The following APPBP2 variants were observed in gnomAD, a reference collection of about 807,000 sequenced individuals.
The protein encoded by APPBP2 is amyloid beta precursor protein binding protein 2.
A neutral mutation model predicts 76.0 loss-of-function variants in APPBP2; 15 were observed. That is an observed-to-expected ratio of 0.20 (90% CI 0.13 to 0.30). The LOEUF is 0.30. APPBP2 is among the 10% of genes least tolerant of loss of function. APPBP2 has a pLI of 1.00. For synonymous variants in APPBP2, 222 were observed against 242.2 expected (o/e 0.92, Z 0.77); for missense variants, 401 against 687.2 (o/e 0.58, Z 4.66).
At chr17:60,462,935 C>G (rs2090486452) in intron 6 of APPBP2, among the ~76,000 whole-genome samples, 1 of 121,232 alleles carries the variant, frequency 8.2e-6, no homozygotes, top group Admixed American at 9.4e-5. Context: ...TGGGCGACAG[C>G]AAGACTCCAT....
intron 1 of APPBP2, among the ~76,000 whole-genome samples, chr17:60,519,420 A>C (rs995127856): frequency 1.1e-4 from 16 of 152,268 alleles, no homozygotes; most frequent in African/African-American, 3.6e-4. Context: ...AGCTTGGGCA[A>C]CAAAGTGAGA....
intron 3 of APPBP2, among the ~76,000 whole-genome samples, chr17:60,485,783 T>C (rs2090671206): frequency 1.3e-5 from 2 of 152,196 alleles, no homozygotes; most frequent in Admixed American, 6.5e-5. Flanking sequence ...CTCTTTTAAT[T>C]GTGATGGTAG....
At chr17:60,456,452 A>T (rs1029948581) in intron 9 of APPBP2, 71 bp from the exon 10 acceptor site, 70 of 953,936 alleles carry the variant, frequency 7.3e-5, no homozygotes, top group Middle Eastern at 6.5e-4. Flanking sequence ...TAAAAATCAC[A>T]ATCTGTAATA....
chr17:60,518,358 CGTGTGTGTGTGTGTGTGTGTGTGTGTGT>C (rs59428194), intron 1 of APPBP2, among the ~76,000 whole-genome samples: 7 of 89,070 alleles, frequency 7.9e-5, no homozygotes, highest in Non-Finnish European at 1.3e-4. Flanking sequence ...TGTGTGCGTG[CGTGTGTGTGTGTGTGTGTGTGTGTGTGT>C]GTGTGTGTGT....
At chr17:60,517,874 T>C (rs2090975492) in intron 1 of APPBP2, among the ~76,000 whole-genome samples, 1 of 152,242 alleles carries the variant, frequency 6.6e-6, no homozygotes, top group Non-Finnish European at 1.5e-5. Flanking sequence ...TGTATTTCAG[T>C]TGAGTATCTT....
intron 11 of APPBP2, among the ~76,000 whole-genome samples, chr17:60,452,835 A>G (rs2090405292): frequency 6.6e-6 from 1 of 152,184 alleles, no homozygotes; most frequent in Admixed American, 6.5e-5. Context: ...TGGGAAGCTG[A>G]GGTGAAAAGA....
chr17:60,459,319 G>A (rs1342295403), intron 9 of APPBP2, among the ~76,000 whole-genome samples: 2 of 151,998 alleles, frequency 1.3e-5, no homozygotes, highest in African/African-American at 4.8e-5. Context: ...TTTTCTGTTT[G>A]CAGATCCTGA....
At chr17:60,471,365 T>G (rs535326608) in intron 4 of APPBP2, among the ~76,000 whole-genome samples, 1 of 152,212 alleles carries the variant, frequency 6.6e-6, no homozygotes, top group Non-Finnish European at 1.5e-5. Context: ...ATACCACTAG[T>G]GAAAGCAGGC....
intron 12 of APPBP2, among the ~76,000 whole-genome samples, chr17:60,448,951 TAAAC>T (rs931938237): frequency 5.3e-5 from 8 of 152,184 alleles, no homozygotes; most frequent in South Asian, 4.1e-4. Context: ...ATTAACAAAA[TAAAC>T]AAAGATGGAT....
rs529041695 is a variant in APPBP2, at chr17:60,523,722, G to A, written c.138+2072C>T. 1.3e-4 allele frequency among the ~76,000 whole-genome samples: 20 copies of A among 152,142 alleles called. No individual in the cohort carries two copies. The South Asian group carries it at 1.5e-3, about 11-fold the overall frequency. On this transcript the variant is annotated intron_variant, in intron 1 of 12. Coordinates refer to ENST00000083182, the MANE Select transcript of APPBP2 (RefSeq NM_006380.5). ...CTTCTTACATCTCCATTAAAGATTAGAATAGAGTCCTGGGACTGACTTTCA... is the reference window on the plus strand; with the variant it reads ...CTTCTTACATCTCCATTAAAGATTAAAATAGAGTCCTGGGACTGACTTTCA...
At chr17:60,506,454 T>C (rs910034984) in intron 1 of APPBP2, among the ~76,000 whole-genome samples, 11 of 152,328 alleles carry the variant, frequency 7.2e-5, no homozygotes, top group Non-Finnish European at 1.5e-4. Context: ...CTGGTTAGTT[T>C]ATAACTCATC....
chr17:60,453,546 TTG>T (rs1435779528), intron 11 of APPBP2, among the ~76,000 whole-genome samples: 35 of 150,936 alleles, frequency 2.3e-4, no homozygotes, highest in African/African-American at 8.6e-4. Flanking sequence ...GTTTTTTTTT[TTG>T]TTTTTTTTGA....
chr17:60,490,661 T>C (rs2090720920), intron 3 of APPBP2, among the ~76,000 whole-genome samples: 1 of 152,148 alleles, frequency 6.6e-6, no homozygotes, highest in Admixed American at 6.5e-5. Context: ...ACAAATCTCA[T>C]CTTGAATTGT....
intron 4 of APPBP2, among the ~76,000 whole-genome samples, chr17:60,472,686 C>T (rs1330116659): frequency 1.3e-5 from 2 of 152,288 alleles, no homozygotes; most frequent in Admixed American, 6.5e-5. Context: ...CACTGGAGAG[C>T]TAGCCAAAGA....
intron 1 of APPBP2, among the ~76,000 whole-genome samples, chr17:60,504,466 G>T (rs1210903231): frequency 6.6e-6 from 1 of 152,044 alleles, no homozygotes; most frequent in Non-Finnish European, 1.5e-5. Flanking sequence ...ATAAAAATGG[G>T]TAAACAAAGA....
At chr17:60,500,548 C>T (rs1029639986) in intron 1 of APPBP2, 61 bp from the exon 2 acceptor site, 59 of 1,154,616 alleles carry the variant, frequency 5.1e-5, no homozygotes, top group Non-Finnish European at 6.9e-5. Flanking sequence ...TTACTTTAAT[C>T]ATATTTGATA....
intron 2 of APPBP2, among the ~76,000 whole-genome samples, chr17:60,498,661 G>GA (rs573513138): frequency 6.6e-5 from 10 of 151,330 alleles, no homozygotes; most frequent in Admixed American, 1.3e-4. Flanking sequence ...AATACTGGGG[G>GA]AAAAAAAAGC....
At position 60,445,722 on chromosome 17, in the gene APPBP2, G is replaced by T. The variant is rs2090340600; in HGVS notation, c.*1859C>A. 6.6e-6 allele frequency: 1 copy of T among 152,004 alleles called. No individual in the cohort carries two copies. Among genetic ancestry groups the T allele is most frequent in the African/African-American group, 2.4e-5 (1 of 41,376 alleles). 9.4% of individuals were successfully genotyped at this position (152,004 alleles called of 1,614,324 possible). Reference sequence around the variant, plus strand: ...ACTGCAATTAACTGAGGGGTGGGGGGCAGCTTCATAAACTGCAAGTACGTC... The same window carrying T: ...ACTGCAATTAACTGAGGGGTGGGGGTCAGCTTCATAAACTGCAAGTACGTC... On this transcript the variant is annotated 3_prime_UTR_variant, in exon 13 of 13. Transcript: ENST00000083182.
chr17:60,488,433 T>G (rs1364914191), intron 3 of APPBP2, among the ~76,000 whole-genome samples: 1 of 152,144 alleles, frequency 6.6e-6, no homozygotes, highest in Non-Finnish European at 1.5e-5. Flanking sequence ...ATTTCAAGAG[T>G]ACACTTATAT....
Sources: allele counts gnomAD v4.1 joint callset (sites outside exome capture counted in the v4.1 genomes callset), GRCh38; gene constraint gnomAD v4.1.1; transcripts MANE v1.5; gene names NCBI Gene and HGNC (gene_info 2026-07-23, HGNC 2026-07-21).